KDM2B: variants seen among roughly 807,000 people sequenced by gnomAD.
KDM2B encodes the protein lysine demethylase 2B.
Under a neutral mutation model 150.0 loss-of-function variants are expected in KDM2B, and 26 were observed. The observed-to-expected ratio is 0.17, with a 90% CI of 0.13 to 0.24. KDM2B has a LOEUF of 0.24. Among genes scored for constraint, KDM2B ranks in the 10% least tolerant of loss-of-function variants. The pLI is 1.00. For missense variants in KDM2B, 1,265 were observed against 1,816.9 expected, an observed-to-expected ratio of 0.70 and a Z score of 5.52; for synonymous variants, 734 against 729.5, an observed-to-expected ratio of 1.01 and a Z score of -0.10.
At chr12:121,476,022 C>G (rs1454184507) in intron 12 of KDM2B, among the ~76,000 whole-genome samples, 1 of 151,528 alleles carries the variant, frequency 6.6e-6, no homozygotes, top group African/African-American at 2.4e-5. Flanking sequence ...ATGCCCGGCA[C>G]GGTGGCTCAC....
At chr12:121,435,143 G>A (rs919937339) in intron 22 of KDM2B, among the ~76,000 whole-genome samples, 1 of 151,936 alleles carries the variant, frequency 6.6e-6, no homozygotes, top group Non-Finnish European at 1.5e-5. Flanking sequence ...AGACCAGTCT[G>A]GGCAACATAG....
intron 9 of KDM2B, chr12:121,516,843 G>A: frequency 1.6e-6 from 1 of 639,166 alleles, no homozygotes; most frequent in East Asian, 2.8e-5. Context: ...GGGTGGAAGT[G>A]TCCTACAATT....
intron 11 of KDM2B, among the ~76,000 whole-genome samples, chr12:121,498,658 T>C (rs1191212118): frequency 6.6e-6 from 1 of 152,176 alleles, no homozygotes; most frequent in Non-Finnish European, 1.5e-5. Flanking sequence ...GTTTCCTTCT[T>C]AAATGTCTTA....
At chr12:121,553,245 A>C (rs535208963) in intron 4 of KDM2B, among the ~76,000 whole-genome samples, 1 of 151,326 alleles carries the variant, frequency 6.6e-6, no homozygotes, top group East Asian at 1.9e-4. Flanking sequence ...AAAAAAAAGA[A>C]AGAAAGAACC....
intron 11 of KDM2B, among the ~76,000 whole-genome samples, chr12:121,500,633 G>A (rs1169936125): frequency 2.6e-5 from 4 of 152,178 alleles, no homozygotes; most frequent in Admixed American, 6.5e-5. Flanking sequence ...AAAGGGAGGC[G>A]CAGCTTGGGG....
At position 121,554,159 on chromosome 12, in the gene KDM2B, C is replaced by T. The variant is rs1000833637; in HGVS notation, c.398-4521G>A. Among the ~76,000 whole-genome samples, 4 of 150,846 alleles carry T rather than the reference C, an allele frequency of 2.7e-5. No individual in the cohort carries two copies. The East Asian group carries it at 7.8e-4, about 29-fold the overall frequency. On this transcript the variant is annotated intron_variant, in intron 4 of 22. Transcript: ENST00000377071. Reference sequence around the variant, plus strand: ...GGCTGAAGTGGGAGGACTGCTTGAGCGTCAGGAGGTTGAGGCTCCAGTGAG... The same window carrying T: ...GGCTGAAGTGGGAGGACTGCTTGAGTGTCAGGAGGTTGAGGCTCCAGTGAG...
Position 121,537,946 on chromosome 12 carries a change from C to T in KDM2B, c.684-3356G>A, listed in dbSNP as rs1414768305. ...CGGCGGCGGCGGCTCCCGTGCGTCCCCTTCGGCTCCCGGGCGTCCCCTTCG... is the reference window on the plus strand; with the variant it reads ...CGGCGGCGGCGGCTCCCGTGCGTCCTCTTCGGCTCCCGGGCGTCCCCTTCG... On this transcript the variant is annotated intron_variant, in intron 6 of 22. Transcript: ENST00000377071. The surrounding 1 kb of genome is among the most constrained non-coding windows in gnomAD (Gnocchi z 8.7). Among the ~76,000 whole-genome samples the T allele has an allele frequency of 6.6e-6, 1 of 150,726 alleles. No homozygotes were observed.
chr12:121,502,039 T>C (rs1001536482), intron 11 of KDM2B, among the ~76,000 whole-genome samples: 21 of 152,046 alleles, frequency 1.4e-4, no homozygotes, highest in African/African-American at 4.8e-4. Flanking sequence ...TGTTCCAGGG[T>C]CGGGAACTGA....
At position 121,429,829 on chromosome 12, in the gene KDM2B, T is replaced by C. The variant is rs527646029; in HGVS notation, c.*459A>G. The C allele has an allele frequency of 1.8e-6, 1 of 568,154 alleles. No individual in the cohort carries two copies. The highest frequency in any genetic ancestry group is 3.1e-6 in the Non-Finnish European group (1 of 321,456). The allele number at this position is 568,154 out of a possible 1,614,324, so 35.2% of individuals were successfully genotyped here. A position where few individuals can be genotyped will look rare whatever the true frequency, so the allele number is the denominator to read the frequency against. On this transcript the variant is annotated 3_prime_UTR_variant, in exon 23 of 23. Coordinates refer to ENST00000377071, the MANE Select transcript of KDM2B (RefSeq NM_032590.5). ...TTTGTACAAAAATAGTTCTGCATAA[T>C]GTAAGATGTAACAAAACCAACCAAA...
At chr12:121,438,652 T>C (rs1874414684) in intron 22 of KDM2B, among the ~76,000 whole-genome samples, 1 of 152,104 alleles carries the variant, frequency 6.6e-6, no homozygotes, top group Non-Finnish European at 1.5e-5. Flanking sequence ...AGGTCCCGAA[T>C]GATCTCATCC....
At chr12:121,506,500 G>T (rs1885079476) in intron 11 of KDM2B, among the ~76,000 whole-genome samples, 1 of 152,114 alleles carries the variant, frequency 6.6e-6, no homozygotes, top group South Asian at 2.1e-4. Flanking sequence ...AAGCTCTTCA[G>T]CCTGAAAAGA....
intron 6 of KDM2B, among the ~76,000 whole-genome samples, chr12:121,544,950 G>C (rs1383385188): frequency 3.3e-5 from 5 of 152,006 alleles, no homozygotes; most frequent in African/African-American, 9.7e-5. Flanking sequence ...AAATTCCTAA[G>C]CCCATCACCA....
At chr12:121,534,092 C>G (rs78378499) in intron 7 of KDM2B, among the ~76,000 whole-genome samples, 8,208 of 152,046 alleles carry the variant, frequency 0.054, 377 homozygotes, top group South Asian at 0.16. Context: ...GCTCACGCCT[C>G]TAATCCCAGC....
chr12:121,463,311 G>A (rs1396210714), intron 12 of KDM2B, among the ~76,000 whole-genome samples: 8 of 149,456 alleles, frequency 5.4e-5, no homozygotes, highest in East Asian at 1.9e-4. Flanking sequence ...GCGAGACTCC[G>A]TCTCAAAAAA....
At chr12:121,486,333 C>CT (rs71079073) in intron 12 of KDM2B, among the ~76,000 whole-genome samples, 4,767 of 59,000 alleles carry the variant, frequency 0.081, 1,250 homozygotes, top group African/African-American at 0.11. Flanking sequence ...TTTCGAACTC[C>CT]TTTTTTTTTT....
chr12:121,423,186 A>T, the KDM2B span, among the ~76,000 whole-genome samples: 1 of 152,244 alleles, frequency 6.6e-6, no homozygotes. This position sits in a 1 kb window ranked among gnomAD's most constrained non-coding sequence, Gnocchi z 4.3. Flanking sequence ...CAAAACCCTG[A>T]GGTATAGCTT....
intron 11 of KDM2B, among the ~76,000 whole-genome samples, chr12:121,504,297 A>G (rs868983834): frequency 1.3e-5 from 2 of 152,268 alleles, no homozygotes; most frequent in South Asian, 4.1e-4. Context: ...CCTGGGCTCA[A>G]CCAGTCCTCC....
rs544991414 is a variant in KDM2B, at chr12:121,506,397, C to A, written c.1647+3170G>T. ...GGAAGAGGTGATGGCACCCACGTCCCCCAGGCAAGCATCTGGCCACACAAC... is the reference window on the plus strand; with the variant it reads ...GGAAGAGGTGATGGCACCCACGTCCACCAGGCAAGCATCTGGCCACACAAC... On this transcript the variant is annotated intron_variant, in intron 11 of 22. Transcript: ENST00000377071. 1.9e-4 allele frequency among the ~76,000 whole-genome samples: 29 copies of A among 152,178 alleles called. 1 individual carries two copies. The East Asian group carries it at 5.6e-3, about 29-fold the overall frequency.
chr12:121,480,827 G>A (rs572905693), intron 12 of KDM2B, among the ~76,000 whole-genome samples: 3 of 151,790 alleles, frequency 2.0e-5, no homozygotes, highest in South Asian at 2.1e-4. Flanking sequence ...CCCCACACCC[G>A]GCCATCGCCT....
Sources: allele counts gnomAD v4.1 joint callset (sites outside exome capture counted in the v4.1 genomes callset), GRCh38; gene constraint gnomAD v4.1.1; non-coding constraint Gnocchi (gnomAD v3.1); transcripts MANE v1.5; gene names NCBI Gene and HGNC (gene_info 2026-07-23, HGNC 2026-07-21).